The following IL17RA variants were observed in gnomAD, a reference collection of about 807,000 sequenced individuals.
The protein encoded by IL17RA is interleukin 17 receptor A.
Under a neutral mutation model 50.4 loss-of-function variants are expected in IL17RA, and 34 were observed. The observed-to-expected ratio is 0.67, with a 90% confidence interval of 0.51 to 0.90. IL17RA has a LOEUF of 0.90. Ranked by LOEUF, IL17RA falls within the 40% of genes least tolerant of loss-of-function variation. The probability of loss-of-function intolerance (pLI) is 0.00; values close to 1 mark genes in which losing one functional copy is unlikely to be tolerated. For synonymous variants in IL17RA, 585 were observed against 510.4 expected, an observed-to-expected ratio of 1.15 and a Z score of -1.97; for missense variants, 1,276 against 1,169.8, an observed-to-expected ratio of 1.09 and a Z score of -1.32.
rs41396346 is a variant in IL17RA, at chr22:17,108,626, C to T, written c.1407C>T (p.Cys469=). 1.2e-3 allele frequency: 1,872 copies of T among 1,605,028 alleles called. 5 individuals are homozygous for T. Among genetic ancestry groups the T allele is most frequent in the Middle Eastern group, 1.3e-3 (8 of 6,062 alleles). The change falls in exon 13 of 13, where the codon TGC becomes TGT. Residue 469 remains cysteine, a synonymous_variant. Transcript: ENST00000319363. ...LGRGAPVRLR[C]DHGKPVGDLF... ...GGGGGGCGCCTGTGCGGCTGCGCTG[C>T]GACCACGGAAAGCCCGTGGGGGACC... is the stretch of plus-strand genomic sequence containing the variant.
At chr22:17,086,145 C>CA (rs983507338) in intron 1 of IL17RA, among the ~76,000 whole-genome samples, 3 of 151,744 alleles carry the variant, frequency 2.0e-5, no homozygotes, top group Non-Finnish European at 2.9e-5. Flanking sequence ...AGGAAAAAAA[C>CA]AAAAAAAGAG....
At chr22:17,105,509 A>C (rs1049421813) in intron 9 of IL17RA, 82 bp from the exon 10 acceptor site, 20 of 1,392,676 alleles carry the variant, frequency 1.4e-5, no homozygotes, top group African/African-American at 2.9e-5. Flanking sequence ...TAAAGCCCTC[A>C]AGGGACGTCA....
chr22:17,102,869 C>T (rs1487576148), intron 7 of IL17RA, among the ~76,000 whole-genome samples: 16 of 151,380 alleles, frequency 1.1e-4, no homozygotes, highest in Non-Finnish European at 2.4e-4. Flanking sequence ...ATGCCAGGCA[C>T]AGTGGTTCAC....
rs1055310 is a variant in IL17RA at position 17,110,166 on chromosome 22, A to G, written c.*346A>G. ...AATTGCATGCGGCATGGCCCCAGCC[A>G]TGAAGGAACTTAACCGCTAGTGCCG... On this transcript the variant is annotated 3_prime_UTR_variant, in exon 13 of 13. Transcript: ENST00000319363. 2.8e-6 allele frequency: 1 copy of G among 361,434 alleles called. No individual in the cohort carries two copies. The highest frequency in any genetic ancestry group is 2.3e-5 in the South Asian group (1 of 43,838). The allele number at this position is 361,434 out of a possible 1,614,324, so 22.4% of individuals were successfully genotyped here. A position where few individuals can be genotyped will look rare whatever the true frequency, so the allele number is the denominator to read the frequency against.
chr22:17,107,991 G>C (rs2061421078), intron 12 of IL17RA, among the ~76,000 whole-genome samples: 2 of 152,204 alleles, frequency 1.3e-5, no homozygotes, highest in Admixed American at 1.3e-4. Flanking sequence ...TAAGTATTTT[G>C]TGAACAGAGG....
At chr22:17,088,484 G>A (rs144152395) in intron 1 of IL17RA, among the ~76,000 whole-genome samples, 53 of 151,160 alleles carry the variant, frequency 3.5e-4, no homozygotes, top group African/African-American at 1.0e-3. Flanking sequence ...ACACCCAGCC[G>A]ATTTTTGTTT....
In IL17RA at chr22:17,105,721, G is replaced by T. The variant is rs563863782; in HGVS notation, c.943+119G>T. On this transcript the variant is annotated intron_variant, in intron 10 of 12. Transcript: ENST00000319363. ...GGCTGAACCGAGGCCAGCCCGGGGT[G>T]GGGGGTGAGACCATGGTTTGTCGTG... 209 of 1,277,306 alleles carry T rather than the reference G, an allele frequency of 1.6e-4. 2 individuals are homozygous for T. In the African/African-American group the frequency reaches 3.8e-3, roughly 23 times the overall value. 79.1% of individuals were successfully genotyped at this position (1,277,306 alleles called of 1,614,324 possible).
At chr22:17,107,595 G>A (rs1369062305) in intron 11 of IL17RA, 132 bp from the exon 12 acceptor site, 4 of 772,688 alleles carry the variant, frequency 5.2e-6, no homozygotes, top group African/African-American at 1.7e-5. Context: ...CACCTAGCAC[G>A]GCCTCGCTGC....
intron 1 of IL17RA, among the ~76,000 whole-genome samples, chr22:17,096,853 G>A (rs2061370090): frequency 7.4e-6 from 1 of 134,578 alleles, no homozygotes; most frequent in South Asian, 2.3e-4. Context: ...CTGGGCGACA[G>A]AGCAAGACTC....
rs1390990099 is a variant in IL17RA at position 17,110,396 on chromosome 22, G to A, written c.*576G>A. The A allele has an allele frequency of 1.2e-5, 2 of 162,170 alleles. No homozygotes were observed. The highest frequency in any genetic ancestry group is 1.1e-4 in the Admixed American group (2 of 17,654). 10.0% of individuals were successfully genotyped at this position (162,170 alleles called of 1,614,324 possible). A position where few individuals can be genotyped will look rare whatever the true frequency, so the allele number is the denominator to read the frequency against. The stretch of plus-strand genomic sequence containing the variant: ...GCCTGTAGTCCTAGCTACTTGGGAG[G>A]CTGAGGCAGGAGAATTGCTTGAATC... On this transcript the variant is annotated 3_prime_UTR_variant, in exon 13 of 13. Transcript: ENST00000319363.
In IL17RA at chr22:17,112,289, C is replaced by T. The variant is rs1471117708; in HGVS notation, c.*2469C>T. 6.6e-6 allele frequency: 1 copy of T among 152,236 alleles called. No individual in the cohort carries two copies. The highest frequency in any genetic ancestry group is 1.9e-4 in the East Asian group (1 of 5,204). The allele number at this position is 152,236 out of a possible 1,614,324, so 9.4% of individuals were successfully genotyped here. ...GCAGCTGCCTTTGTCCTCCTAACAG[C>T]TTTATTGGAGTACAGTTCACTTACC... On this transcript the variant is annotated 3_prime_UTR_variant, in exon 13 of 13. Coordinates refer to ENST00000319363, the MANE Select transcript of IL17RA (RefSeq NM_014339.7).
intron 9 of IL17RA, among the ~76,000 whole-genome samples, chr22:17,105,048 A>G (rs1216033026): frequency 6.6e-6 from 1 of 152,098 alleles, no homozygotes; most frequent in Admixed American, 6.5e-5. Context: ...AATCTTTTTG[A>G]TTCTCAACTT....
In IL17RA at chr22:17,115,360, G is replaced by A. The variant is rs1181821808; in HGVS notation, c.*5540G>A. ...CTCATGTGATTCTCACCACAGCCCT[G>A]TGATTGCTCCTGTTTTATAAATAAT... On this transcript the variant is annotated 3_prime_UTR_variant, in exon 13 of 13. Coordinates refer to ENST00000319363, the MANE Select transcript of IL17RA (RefSeq NM_014339.7). 1.3e-5 allele frequency: 2 copies of A among 152,246 alleles called. No individual in the cohort carries two copies. The highest frequency in any genetic ancestry group is 1.3e-4 in the Admixed American group (2 of 15,286). 9.4% of individuals were successfully genotyped at this position (152,246 alleles called of 1,614,324 possible). A position where few individuals can be genotyped will look rare whatever the true frequency, so the allele number is the denominator to read the frequency against.
Position 17,110,069 on chromosome 22 carries a change from A to C in IL17RA, c.*249A>C, listed in dbSNP as rs5994164. On this transcript the variant is annotated 3_prime_UTR_variant, in exon 13 of 13. Coordinates refer to ENST00000319363, the MANE Select transcript of IL17RA (RefSeq NM_014339.7). ...AGGAGCTAATGGTAGAGCGTCCTTG[A>C]GGCTCCATTATTCGTTCATTCAGCA... 9.3e-3 allele frequency: 5,181 copies of C among 556,532 alleles called. 203 individuals are homozygous for C. The highest frequency in any genetic ancestry group is 0.089 in the African/African-American group (4,706 of 53,162). The allele number at this position is 556,532 out of a possible 1,614,324, so 34.5% of individuals were successfully genotyped here. A position where few individuals can be genotyped will look rare whatever the true frequency, so the allele number is the denominator to read the frequency against.
chr22:17,105,726 G>GA, intron 10 of IL17RA, 124 bp downstream of exon 10: 1 of 1,394,986 alleles, frequency 7.2e-7, no homozygotes, highest in East Asian at 2.3e-5. Context: ...GGGGTGGGGG[G>GA]TGAGACCATG....
At position 17,114,433 on chromosome 22, in the gene IL17RA, G is replaced by C. The variant is rs1255213034; in HGVS notation, c.*4613G>C. The stretch of plus-strand genomic sequence containing the variant: ...GCAGTCTCCTGTCTCATGGTTTGAA[G>C]TGTGCCAGGAAGCCTGGCCCAGCCC... On this transcript the variant is annotated 3_prime_UTR_variant, in exon 13 of 13. Transcript: ENST00000319363. 2 of 152,300 alleles carry C rather than the reference G, an allele frequency of 1.3e-5. No homozygotes were observed. The highest frequency in any genetic ancestry group is 4.8e-5 in the African/African-American group (2 of 41,440). 9.4% of individuals were successfully genotyped at this position (152,300 alleles called of 1,614,324 possible). A position where few individuals can be genotyped will look rare whatever the true frequency, so the allele number is the denominator to read the frequency against.
chr22:17,105,718 G>C lies in IL17RA; in HGVS notation c.943+116G>C, dbSNP rs901663806. 65 of 1,351,412 alleles carry C rather than the reference G, an allele frequency of 4.8e-5. No homozygotes were observed. In the Middle Eastern group the frequency reaches 6.3e-4, roughly 13 times the overall value. The allele number at this position is 1,351,412 out of a possible 1,614,324, so 83.7% of individuals were successfully genotyped here. On this transcript the variant is annotated intron_variant, in intron 10 of 12. Coordinates refer to ENST00000319363, the MANE Select transcript of IL17RA (RefSeq NM_014339.7). ...CAAGGCTGAACCGAGGCCAGCCCGG[G>C]GTGGGGGGTGAGACCATGGTTTGTC...
At chr22:17,088,795 T>TTA (rs2061337741) in intron 1 of IL17RA, among the ~76,000 whole-genome samples, 1 of 149,930 alleles carries the variant, frequency 6.7e-6, no homozygotes, top group African/African-American at 2.5e-5. Context: ...GCCAATTTTT[T>TTA]TATTTTTATT....
At position 17,112,986 on chromosome 22, in the gene IL17RA, C is replaced by T. The variant is rs971060064; in HGVS notation, c.*3166C>T. On this transcript the variant is annotated 3_prime_UTR_variant, in exon 13 of 13. Coordinates refer to ENST00000319363, the MANE Select transcript of IL17RA (RefSeq NM_014339.7). ...CTTTTTCCTGCCTACTATCTTGATC[C>T]TAGTTTTTTTTTTGTTTTTTTTTTT... The T allele has an allele frequency of 1.2e-5, 1 of 80,766 alleles. No homozygotes were observed. Among genetic ancestry groups the T allele is most frequent in the Non-Finnish European group, 2.5e-5 (1 of 39,478 alleles). The allele number at this position is 80,766 out of a possible 1,614,324, so 5.0% of individuals were successfully genotyped here. A position where few individuals can be genotyped will look rare whatever the true frequency, so the allele number is the denominator to read the frequency against.
Sources: gnomAD v4.1 joint callset for allele counts (sites outside exome capture counted in the v4.1 genomes callset) on GRCh38, gnomAD v4.1.1 for gene constraint, MANE v1.5 for transcripts, NCBI Gene and HGNC (gene_info 2026-07-23, HGNC 2026-07-21) for gene names.